The following EXOC6B variants were observed in gnomAD, a reference collection of about 807,000 sequenced individuals.
EXOC6B encodes SEC15 homolog B.
EXOC6B carries 54 observed loss-of-function variants against 113.5 expected under a neutral mutation model. The ratio of observed to expected loss-of-function variants is 0.48; its 90% CI spans 0.38 to 0.60. EXOC6B has a LOEUF of 0.60. EXOC6B is among the 20% of genes least tolerant of loss of function. The pLI, the probability that EXOC6B is intolerant of heterozygous loss-of-function variation, is 0.00. For synonymous variants in EXOC6B, 357 were observed against 339.0 expected, an observed-to-expected ratio of 1.05 and a Z score of -0.58; for missense variants, 797 against 977.5, an observed-to-expected ratio of 0.82 and a Z score of 2.46.
chr2:72,625,076 TG>T (rs1004582731), intron 6 of EXOC6B, among the ~76,000 whole-genome samples: 2 of 101,130 alleles, frequency 2.0e-5, no homozygotes, highest in African/African-American at 7.6e-5. Flanking sequence ...GGGGGGGGGG[TG>T]GGTTGTTTTG....
intron 6 of EXOC6B, among the ~76,000 whole-genome samples, chr2:72,621,806 T>C (rs187035617): frequency 3.3e-5 from 5 of 152,282 alleles, no homozygotes; most frequent in African/African-American, 1.2e-4. Context: ...TCATGTATGA[T>C]GATATTACTG....
intron 19 of EXOC6B, among the ~76,000 whole-genome samples, chr2:72,346,556 C>T (rs1027477627): frequency 1.3e-5 from 2 of 152,096 alleles, no homozygotes; most frequent in African/African-American, 4.8e-5. Flanking sequence ...AACAATTTCA[C>T]TTCAAGATTT....
chr2:72,221,305 T>G (rs1239940503), intron 20 of EXOC6B, among the ~76,000 whole-genome samples: 1 of 152,202 alleles, frequency 6.6e-6, no homozygotes, highest in Non-Finnish European at 1.5e-5. Flanking sequence ...GGACTCTACG[T>G]TAGTTACTAA....
intron 1 of EXOC6B, among the ~76,000 whole-genome samples, chr2:72,795,692 T>C (rs1684905299): frequency 1.3e-5 from 2 of 152,206 alleles, no homozygotes; most frequent in African/African-American, 4.8e-5. Flanking sequence ...CACTGGAACC[T>C]ATGAATATAT....
chr2:72,394,108 A>G (rs1031019134), intron 18 of EXOC6B, among the ~76,000 whole-genome samples: 7 of 152,184 alleles, frequency 4.6e-5, no homozygotes, highest in African/African-American at 1.7e-4. Context: ...CCTGGATTAT[A>G]TGTTAAGTAC....
Position 72,657,227 on chromosome 2 carries a change from T to TA in EXOC6B, c.669+60875_669+60876insT, listed in dbSNP as rs1254533954. Among the ~76,000 whole-genome samples the TA allele has an allele frequency of 9.1e-5, 13 of 142,410 alleles. No homozygotes were observed. In the East Asian group the frequency reaches 2.6e-3, roughly 29 times the overall value. 93.4% of individuals were successfully genotyped at this position (142,410 alleles called of 152,430 possible). On this transcript the variant is annotated intron_variant, in intron 6 of 21. Coordinates refer to ENST00000272427, the MANE Select transcript of EXOC6B (RefSeq NM_015189.3). ...CTTAACCATATTACCACAACTGTCT[T>TA]TTTTTTTTTTTTTTTTGAGATGGAG...
At chr2:72,260,299 T>C (rs1683635124) in intron 20 of EXOC6B, among the ~76,000 whole-genome samples, 1 of 152,148 alleles carries the variant, frequency 6.6e-6, no homozygotes. Flanking sequence ...TCCAGCGATA[T>C]CACAGGGTGA....
intron 6 of EXOC6B, among the ~76,000 whole-genome samples, chr2:72,598,169 C>T (rs1670193653): frequency 6.6e-6 from 1 of 151,812 alleles, no homozygotes; most frequent in South Asian, 2.1e-4. Context: ...AGGCATAGCA[C>T]ACTGATGGCC....
intron 6 of EXOC6B, among the ~76,000 whole-genome samples, chr2:72,689,834 T>C (rs773653725): frequency 6.6e-6 from 1 of 152,206 alleles, no homozygotes; most frequent in Non-Finnish European, 1.5e-5. Flanking sequence ...CTAAGTTTTC[T>C]GGGACAATTA....
At chr2:72,498,686 C>T in intron 12 of EXOC6B, 135 bp from the exon 13 acceptor site, 1 of 584,902 alleles carries the variant, frequency 1.7e-6, no homozygotes, top group East Asian at 2.9e-5. Flanking sequence ...TAAATAAAAC[C>T]ATTTAGTAGA....
In EXOC6B at chr2:72,379,771, C is replaced by T; in HGVS notation, c.2080G>A (p.Gly694Arg). Residue 694 changes from glycine (G) to arginine (R), a missense_variant, in exon 19 of 22, where the codon GGA becomes AGA. Transcript: ENST00000272427. ...LEAEVRQLTL[G>R]ALQQFNLDVR... Reference sequence around the variant, plus strand: ...TCCAAGTTGAACTGCTGTAATGCTCCCAAGGTGAGCTGCCGCACTTCAGCT... The same window carrying T: ...TCCAAGTTGAACTGCTGTAATGCTCTCAAGGTGAGCTGCCGCACTTCAGCT... 1 of 1,613,400 alleles carries T rather than the reference C, an allele frequency of 6.2e-7. No individual in the cohort carries two copies. The highest frequency in any genetic ancestry group is 1.1e-5 in the South Asian group (1 of 90,954).
intron 6 of EXOC6B, among the ~76,000 whole-genome samples, 182 bp downstream of exon 6, chr2:72,717,921 C>G (rs1156791819): frequency 6.6e-6 from 1 of 152,114 alleles, no homozygotes; most frequent in Non-Finnish European, 1.5e-5. Context: ...AGCAAATTGT[C>G]CATTGCTCTG....
intron 7 of EXOC6B, among the ~76,000 whole-genome samples, chr2:72,560,108 A>G (rs1703810929): frequency 6.6e-6 from 1 of 152,280 alleles, no homozygotes; most frequent in East Asian, 1.9e-4. Context: ...AGTAATACCA[A>G]CGTATTTTAA....
intron 20 of EXOC6B, among the ~76,000 whole-genome samples, chr2:72,242,185 CTG>C (rs1682355825): frequency 6.6e-6 from 1 of 152,144 alleles, no homozygotes; most frequent in African/African-American, 2.4e-5. Context: ...AAACAAGACT[CTG>C]TCAAAGAAAA....
chr2:72,724,443 C>G (rs1680186717), intron 5 of EXOC6B, among the ~76,000 whole-genome samples: 1 of 152,030 alleles, frequency 6.6e-6, no homozygotes. Flanking sequence ...ACAAACTGAT[C>G]TGCAATCAAC....
rs184325749 is a variant in EXOC6B at position 72,575,267 on chromosome 2, T to C, written c.846+225A>G. The stretch of plus-strand genomic sequence containing the variant: ...TTAAAAACCCTGAAACTTTTCAAAA[T>C]AGAGGAGTGAATTTAAAATTTGAAT... On this transcript the variant is annotated intron_variant, in intron 7 of 21. Transcript: ENST00000272427. 3.0e-4 allele frequency among the ~76,000 whole-genome samples: 46 copies of C among 152,226 alleles called. 1 individual carries two copies. Among genetic ancestry groups the C allele is most frequent in the Admixed American group, 1.2e-3 (19 of 15,298 alleles).
At chr2:72,220,015 A>C (rs1435634184) in intron 20 of EXOC6B, among the ~76,000 whole-genome samples, 1 of 152,178 alleles carries the variant, frequency 6.6e-6, no homozygotes. Context: ...AATCTCCAAA[A>C]TGGGGATGAA....
chr2:72,716,770 C>T (rs145875162), intron 6 of EXOC6B, among the ~76,000 whole-genome samples: 114 of 152,138 alleles, frequency 7.5e-4, no homozygotes, highest in African/African-American at 2.6e-3. Flanking sequence ...GCTGGCCTCA[C>T]GTTAAATAAA....
In EXOC6B at chr2:72,365,416, G is replaced by A. The variant is rs998889270; in HGVS notation, c.2122+14313C>T. Among the ~76,000 whole-genome samples, 4 of 152,126 alleles carry A rather than the reference G, an allele frequency of 2.6e-5. No homozygotes were observed. The East Asian group carries it at 7.7e-4, about 29-fold the overall frequency. ...TTTTAGATACTGGACAAGAGGTAAT[G>A]CAGAATTATGATCCCACAGACATAA... On this transcript the variant is annotated intron_variant, in intron 19 of 21. Transcript: ENST00000272427.
Sources: gnomAD v4.1 joint callset for allele counts (sites outside exome capture counted in the v4.1 genomes callset) on GRCh38, gnomAD v4.1.1 for gene constraint, MANE v1.5 for transcripts, NCBI Gene and HGNC (gene_info 2026-07-23, HGNC 2026-07-21) for gene names.